Variants in MAML2 observed in about 807,000 individuals in gnomAD.
MAML2 encodes mastermind like transcriptional coactivator 2, also known as mastermind-like protein 2.
MAML2 carries 22 observed loss-of-function variants against 96.1 expected under a neutral mutation model. That is an observed-to-expected ratio of 0.23 (90% CI 0.16 to 0.33). MAML2 has a LOEUF of 0.33. Ranked by LOEUF, MAML2 falls within the 10% of genes least tolerant of loss-of-function variation. The pLI is 1.00. For synonymous variants in MAML2, 561 were observed against 521.3 expected, an observed-to-expected ratio of 1.08 and a Z score of -1.04; for missense variants, 1,367 against 1,392.4, an observed-to-expected ratio of 0.98 and a Z score of 0.29.
chr11:96,013,418 G>A (rs1439823252), intron 2 of MAML2, among the ~76,000 whole-genome samples: 1 of 152,168 alleles, frequency 6.6e-6, no homozygotes, highest in Non-Finnish European at 1.5e-5. Context: ...GGACTGCTAG[G>A]AAGGGAAGAG....
chr11:95,982,187 C>T (rs551434160), intron 4 of MAML2, among the ~76,000 whole-genome samples: 1 of 152,194 alleles, frequency 6.6e-6, no homozygotes, highest in South Asian at 2.1e-4. Flanking sequence ...TGATTCTGAC[C>T]CACTTGAGTG....
chr11:96,082,105 A>G (rs1236131456), intron 2 of MAML2, among the ~76,000 whole-genome samples: 1 of 152,162 alleles, frequency 6.6e-6, no homozygotes, highest in Non-Finnish European at 1.5e-5. Flanking sequence ...TGGTGGTACA[A>G]AGATCAATTA....
chr11:96,007,793 G>T (rs1034750817), intron 2 of MAML2, among the ~76,000 whole-genome samples: 3 of 145,408 alleles, frequency 2.1e-5, no homozygotes, highest in Non-Finnish European at 3.0e-5. Flanking sequence ...ACCAAACACC[G>T]CATATTCTCA....
At chr11:96,034,432 T>TGTGTGTGTGAGAGA (rs549312275) in intron 2 of MAML2, among the ~76,000 whole-genome samples, 2 of 135,656 alleles carry the variant, frequency 1.5e-5, no homozygotes, top group African/African-American at 2.9e-5. Flanking sequence ...TGTGTGTGTG[T>TGTGTGTGTGAGAGA]GAGAGAGAGA....
intron 2 of MAML2, among the ~76,000 whole-genome samples, chr11:95,994,503 T>C (rs1483473594): frequency 1.3e-5 from 2 of 151,654 alleles, no homozygotes; most frequent in Non-Finnish European, 2.9e-5. Context: ...GAGGAGGAAA[T>C]ACATGGAGGA....
chr11:96,071,147 G>C (rs914255268), intron 2 of MAML2, among the ~76,000 whole-genome samples: 1 of 152,224 alleles, frequency 6.6e-6, no homozygotes, highest in Admixed American at 6.5e-5. Context: ...ATGCAGAATG[G>C]GACAAGAGTC....
At position 96,091,999 on chromosome 11, in the gene MAML2, G is replaced by T; in HGVS notation, c.2032C>A (p.Pro678Thr). 6.3e-7 allele frequency: 1 copy of T among 1,587,748 alleles called. No homozygotes were observed. The highest frequency in any genetic ancestry group is 8.6e-7 in the Non-Finnish European group (1 of 1,166,164). Residue 678 changes from proline (P) to threonine (T), a missense_variant, in exon 2 of 5, where the codon CCT (proline) becomes ACT (threonine). Physicochemically the swap from Pro to Thr is conservative, Grantham distance 38 (BLOSUM62 -1). Coordinates refer to ENST00000524717, the MANE Select transcript of MAML2 (RefSeq NM_032427.4). ...AGTGGCAAAGGTGACCTTAGCAAAG[G>T]CTGGCTTGGTAGAGATTGGGCAGGC... ...SQPAQSLPSQ[P>T]LLRSPLPLQQ...
chr11:95,984,462 G>C (rs772980083), intron 4 of MAML2, among the ~76,000 whole-genome samples: 1 of 152,170 alleles, frequency 6.6e-6, no homozygotes, highest in Non-Finnish European at 1.5e-5. Flanking sequence ...AATGTTACTT[G>C]TTGTCTTTAG....
chr11:96,220,998 C>T (rs1056313710), intron 1 of MAML2, among the ~76,000 whole-genome samples: 3 of 152,144 alleles, frequency 2.0e-5, no homozygotes, highest in Non-Finnish European at 2.9e-5. Flanking sequence ...ATTCAATGGG[C>T]ATTTGTTGAA....
At position 96,076,432 on chromosome 11, in the gene MAML2, TCACACACACACA is replaced by T. The variant is rs57102762; in HGVS notation, c.2139+15448_2139+15459del. 4.7e-3 allele frequency among the ~76,000 whole-genome samples: 489 copies of T among 103,176 alleles called. 6 individuals carry two copies. Among genetic ancestry groups the T allele is most frequent in the African/African-American group, 0.013 (456 of 34,226 alleles). 67.7% of individuals were successfully genotyped at this position (103,176 alleles called of 152,430 possible). A position where few individuals can be genotyped will look rare whatever the true frequency, so the allele number is the denominator to read the frequency against. On this transcript the variant is annotated intron_variant, in intron 2 of 4. Transcript: ENST00000524717. ...GCTCTCTTTTGTCTCTCTCTCTCTCTCACACACACACACACACACACACACACACACACACAC... is the reference window on the plus strand; with the variant it reads ...GCTCTCTTTTGTCTCTCTCTCTCTCTCACACACACACACACACACACACAC...
chr11:96,219,672 C>T (rs1196160750), intron 1 of MAML2, among the ~76,000 whole-genome samples: 1 of 152,110 alleles, frequency 6.6e-6, no homozygotes, highest in East Asian at 1.9e-4. Flanking sequence ...GTCATGTAGG[C>T]TGGAGTGCAG....
chr11:96,091,907 G>C lies in MAML2; in HGVS notation c.2124C>G (p.Ser708=), dbSNP rs776658411. The C allele has an allele frequency of 1.2e-6, 2 of 1,613,318 alleles. No homozygotes were observed. Among genetic ancestry groups the C allele is most frequent in the Non-Finnish European group, 1.7e-6 (2 of 1,179,566 alleles). ...GAGCCCTTACCTGTCTCTGTTGTTG[G>C]GAGACTTGGTATCCCATTCCTGCAA... ...QPIAGMGYQV[S]QQQRQDQHSV... Residue 708 remains serine, a synonymous_variant, in exon 2 of 5, where the codon TCC becomes TCG. Transcript: ENST00000524717.
chr11:96,135,881 TA>T (rs1860623846), intron 1 of MAML2, among the ~76,000 whole-genome samples: 3 of 146,636 alleles, frequency 2.0e-5, no homozygotes, highest in African/African-American at 5.0e-5. Flanking sequence ...AAAAAAAAAT[TA>T]TATTGAAATT....
At chr11:96,160,953 C>G (rs182421311) in intron 1 of MAML2, among the ~76,000 whole-genome samples, 44 of 152,338 alleles carry the variant, frequency 2.9e-4, no homozygotes, top group Admixed American at 7.8e-4. Context: ...CGAACACTTT[C>G]CTATTAATCA....
intron 2 of MAML2, among the ~76,000 whole-genome samples, chr11:96,005,305 T>C (rs1273113030): frequency 6.6e-6 from 1 of 152,244 alleles, no homozygotes; most frequent in Non-Finnish European, 1.5e-5. Flanking sequence ...CTTCTAGAAA[T>C]CTGTTTATGT....
At chr11:96,206,183 T>C (rs118048905) in intron 1 of MAML2, among the ~76,000 whole-genome samples, 1,874 of 152,266 alleles carry the variant, frequency 0.012, 23 homozygotes, top group Non-Finnish European at 0.019. Context: ...AAAATAAGTA[T>C]AGCTTATATG....
At chr11:96,162,698 T>C (rs374871774) in intron 1 of MAML2, among the ~76,000 whole-genome samples, 5 of 100,736 alleles carry the variant, frequency 5.0e-5, no homozygotes, top group East Asian at 2.3e-4. Flanking sequence ...GCCAAAAGAG[T>C]AAAACTCCGT....
intron 2 of MAML2, among the ~76,000 whole-genome samples, chr11:96,074,949 C>G (rs1859411230): frequency 6.6e-6 from 1 of 152,030 alleles, no homozygotes; most frequent in African/African-American, 2.4e-5. Context: ...GATTTTTCCT[C>G]TGGAAAAAAA....
chr11:96,205,540 A>G (rs1406716611), intron 1 of MAML2, among the ~76,000 whole-genome samples: 1 of 152,218 alleles, frequency 6.6e-6, no homozygotes, highest in African/African-American at 2.4e-5. Flanking sequence ...CTGTGTGGTA[A>G]AACAGCAGGC....
Sources: gnomAD v4.1 joint callset for allele counts (sites outside exome capture counted in the v4.1 genomes callset) on GRCh38, gnomAD v4.1.1 for gene constraint, MANE v1.5 for transcripts, NCBI Gene and HGNC (gene_info 2026-07-23, HGNC 2026-07-21) for gene names.